GLOD4: variants seen among roughly 807,000 people sequenced by gnomAD.
GLOD4 encodes glyoxalase domain containing 4, also known as glyoxalase domain-containing protein 4.
A neutral mutation model predicts 39.1 loss-of-function variants in GLOD4; 44 were observed. The observed-to-expected ratio is 1.13, with a 90% CI of 0.88 to 1.45. The LOEUF is 1.45. GLOD4 is among the 40% of genes most tolerant of loss of function. The pLI is 0.00. For synonymous variants in GLOD4, 145 were observed against 135.0 expected, an observed-to-expected ratio of 1.07 and a Z score of -0.52; for missense variants, 405 against 366.4, an observed-to-expected ratio of 1.11 and a Z score of -0.86.
intron 2 of GLOD4, 25 bp from the exon 3 acceptor site, chr17:777,013 C>G: frequency 6.2e-7 from 1 of 1,609,908 alleles, no homozygotes; most frequent in Non-Finnish European, 8.5e-7. Context: ...TAAATGAACT[C>G]AGTGACTACA....
chr17:769,414 T>C (rs1415194245), intron 8 of GLOD4, among the ~76,000 whole-genome samples: 3 of 145,630 alleles, frequency 2.1e-5, no homozygotes, highest in African/African-American at 7.8e-5. Flanking sequence ...GATGGAGGCA[T>C]CTCCCTGGCG....
At chr17:766,399 C>T (rs1906570591) in intron 8 of GLOD4, among the ~76,000 whole-genome samples, 1 of 151,786 alleles carries the variant, frequency 6.6e-6, no homozygotes, top group South Asian at 2.1e-4. Flanking sequence ...AGTTCAAGAC[C>T]ATCCTGGCCA....
At chr17:776,015 G>T in intron 3 of GLOD4, 96 bp from the exon 4 acceptor site, 1 of 903,196 alleles carries the variant, frequency 1.1e-6, no homozygotes, top group Non-Finnish European at 1.7e-6. Flanking sequence ...CTGCCTTTAG[G>T]TAAAATCACC....
At chr17:766,815 C>T (rs1385006978) in intron 8 of GLOD4, among the ~76,000 whole-genome samples, 1 of 152,186 alleles carries the variant, frequency 6.6e-6, no homozygotes, top group Admixed American at 6.5e-5. Context: ...AGAAGAATCG[C>T]TTGACCCTGG....
At position 762,049 on chromosome 17, in the gene GLOD4, G is replaced by A. The variant is rs554506442; in HGVS notation, c.832-1811C>T. Among the ~76,000 whole-genome samples, 11 of 152,266 alleles carry A rather than the reference G, an allele frequency of 7.2e-5. No homozygotes were observed. In the South Asian group the frequency reaches 1.0e-3, roughly 14 times the overall value. ...ATCTCAGAGGCAAGAGAGAGCTATC[G>A]GATTAAACGGTTTTAAAAATTACTG... On this transcript the variant is annotated intron_variant, in intron 8 of 8. Coordinates refer to ENST00000301329, the MANE Select transcript of GLOD4 (RefSeq NM_016080.4).
intron 8 of GLOD4, chr17:765,420 G>A (rs974762171): frequency 6.6e-6 from 1 of 150,680 alleles, no homozygotes; most frequent in Non-Finnish European, 1.5e-5. Flanking sequence ...TCATCAGAGT[G>A]GAGGAAGAAT....
rs1054450716 is a variant in GLOD4, at chr17:775,641, A to T, written c.406+134T>A. The T allele has an allele frequency of 7.2e-6, 5 of 695,586 alleles. No homozygotes were observed. In the African/African-American group the frequency reaches 8.9e-5, roughly 12 times the overall value. The allele number at this position is 695,586 out of a possible 1,614,324, so 43.1% of individuals were successfully genotyped here. On this transcript the variant is annotated intron_variant, in intron 4 of 8. Coordinates refer to ENST00000301329, the MANE Select transcript of GLOD4 (RefSeq NM_016080.4). ...ATATGAGAATGTAGTCTCTCCGATA[A>T]CAGGTAAAAGCACTGGCTGGGGAAG...
In GLOD4 at chr17:770,125, C is replaced by A; in HGVS notation, c.663G>T (p.Glu221Asp). The change falls in exon 7 of 9, where the codon GAG (glutamate) becomes GAT (aspartate). Residue 221 changes from glutamate to aspartate, a missense_variant. Transcript: ENST00000301329. ...LPDLEDLMKR[E>D]NQKILTPLVS... The stretch of plus-strand genomic sequence containing the variant: ...CCAGGGGAGTCAGAATCTTCTGGTT[C>A]TCCCTTTTCATCAAGTCTTCTAAGT... 1 of 1,611,890 alleles carries A rather than the reference C, an allele frequency of 6.2e-7. No homozygotes were observed. Among genetic ancestry groups the A allele is most frequent in the Non-Finnish European group, 8.5e-7 (1 of 1,178,052 alleles).
Position 782,172 on chromosome 17 carries a change from C to T in GLOD4, c.84G>A (p.Gly28=), listed in dbSNP as rs748526426. 10 of 1,604,000 alleles carry T rather than the reference C, an allele frequency of 6.2e-6. No individual in the cohort carries two copies. The highest frequency in any genetic ancestry group is 1.1e-5 in the South Asian group (1 of 90,272). ...TGTCGGCCCCGGCCTGCACCTTCATCCCCAGGACGTCCCGATAGAAACGCG... is the reference window on the plus strand; with the variant it reads ...TGTCGGCCCCGGCCTGCACCTTCATTCCCAGGACGTCCCGATAGAAACGCG... The part of the protein sequence containing the change: ...QTARFYRDVL[G]MKVLRHEEFE... Residue 28 remains glycine, a synonymous_variant, in exon 1 of 9, where the codon GGG becomes GGA. Coordinates refer to ENST00000301329, the MANE Select transcript of GLOD4 (RefSeq NM_016080.4).
intron 2 of GLOD4, chr17:778,474 AG>A: frequency 1.7e-6 from 1 of 597,518 alleles, no homozygotes; most frequent in Non-Finnish European, 3.0e-6. Flanking sequence ...ACGCTCCTGA[AG>A]TTGCCTCCCT....
At chr17:781,557 C>T (rs1412065416) in intron 1 of GLOD4, among the ~76,000 whole-genome samples, 1 of 152,168 alleles carries the variant, frequency 6.6e-6, no homozygotes, top group Non-Finnish European at 1.5e-5. Flanking sequence ...TCAAGTCTTC[C>T]TTAGTGGTGT....
intron 4 of GLOD4, among the ~76,000 whole-genome samples, chr17:775,131 C>T (rs1352824723): frequency 6.8e-6 from 1 of 147,788 alleles, no homozygotes; most frequent in African/African-American, 2.5e-5. Context: ...AAAAGCTGAG[C>T]GTGGTGGCAG....
intron 8 of GLOD4, among the ~76,000 whole-genome samples, chr17:769,399 G>A (rs1907491061): frequency 6.6e-6 from 1 of 150,602 alleles, no homozygotes; most frequent in Non-Finnish European, 1.5e-5. Context: ...GAGCTGAGGG[G>A]GTCGGATGGA....
chr17:762,096 C>T (rs746371298), intron 8 of GLOD4, among the ~76,000 whole-genome samples: 2 of 152,140 alleles, frequency 1.3e-5, no homozygotes, highest in South Asian at 2.1e-4. Flanking sequence ...TGGGACAGAC[C>T]GTAAGTTGAC....
chr17:778,807 C>T (rs2144461230), intron 1 of GLOD4, 63 bp from the exon 2 acceptor site: 2 of 891,262 alleles, frequency 2.2e-6, no homozygotes, highest in East Asian at 4.9e-5. Flanking sequence ...GTCTTTAGCA[C>T]AGACTAAAAT....
At chr17:778,395 G>C in intron 2 of GLOD4, 2 of 500,224 alleles carry the variant, frequency 4.0e-6, no homozygotes, top group Non-Finnish European at 7.0e-6. Flanking sequence ...GCCGGCTGGT[G>C]TTAGAGAGCT....
At chr17:778,438 T>C in intron 2 of GLOD4, 1 of 578,114 alleles carries the variant, frequency 1.7e-6, no homozygotes. Context: ...AGGTGTTGTA[T>C]GAGAGTGCAG....
At chr17:777,117 G>T in intron 2 of GLOD4, 129 bp from the exon 3 acceptor site, 1 of 801,504 alleles carries the variant, frequency 1.2e-6, no homozygotes. Flanking sequence ...AGGATGAGAT[G>T]ACCTCAGATG....
chr17:778,395 G>A (rs1310997664), intron 2 of GLOD4: 6 of 500,106 alleles, frequency 1.2e-5, no homozygotes, highest in Non-Finnish European at 2.1e-5. Flanking sequence ...GCCGGCTGGT[G>A]TTAGAGAGCT....
Sources: gnomAD v4.1 joint callset for allele counts (sites outside exome capture counted in the v4.1 genomes callset) on GRCh38, gnomAD v4.1.1 for gene constraint, MANE v1.5 for transcripts, NCBI Gene and HGNC (gene_info 2026-07-23, HGNC 2026-07-21) for gene names.